ARID4B: variants seen among roughly 807,000 people sequenced by gnomAD.
ARID4B encodes the protein AT-rich interaction domain 4B.
In ARID4B, 26 loss-of-function variants were observed where a neutral mutation model predicts 147.5. That is an observed-to-expected ratio of 0.18 (90% confidence interval 0.13 to 0.24). ARID4B has a LOEUF of 0.24. ARID4B is among the 10% of genes least tolerant of loss of function. The probability of loss-of-function intolerance (pLI) is 1.00; values close to 1 mark genes in which losing one functional copy is unlikely to be tolerated. For missense variants in ARID4B, 1,179 were observed against 1,511.5 expected, an observed-to-expected ratio of 0.78 and a Z score of 3.65; for synonymous variants, 512 against 507.9, an observed-to-expected ratio of 1.01 and a Z score of -0.11.
chr1:235,280,358 T>C (rs774239066), intron 2 of ARID4B, among the ~76,000 whole-genome samples: 2 of 152,384 alleles, frequency 1.3e-5, no homozygotes, highest in East Asian at 3.8e-4. Context: ...GAAATTGGTA[T>C]GTTGTTAACA....
intron 8 of ARID4B, among the ~76,000 whole-genome samples, chr1:235,236,862 ATTTTTTTTTT>A (rs869157061): frequency 2.3e-4 from 4 of 17,486 alleles, no homozygotes; most frequent in African/African-American, 8.9e-4. Context: ...ATATATATAT[ATTTTTTTTTT>A]TTTTTTTTTT....
intron 2 of ARID4B, among the ~76,000 whole-genome samples, chr1:235,271,811 A>G (rs558060690): frequency 4.4e-4 from 67 of 151,818 alleles, no homozygotes; most frequent in African/African-American, 1.5e-3. Flanking sequence ...TTAGCTGGCC[A>G]TGGTGGCAGG....
At chr1:235,282,953 TG>T (rs1671755630) in intron 2 of ARID4B, among the ~76,000 whole-genome samples, 1 of 152,216 alleles carries the variant, frequency 6.6e-6, no homozygotes, top group South Asian at 2.1e-4. Flanking sequence ...GCTAATTTTT[TG>T]TATTTTTAGT....
chr1:235,327,471 C>G (rs1347454596), intron 1 of ARID4B: 1 of 152,240 alleles, frequency 6.6e-6, no homozygotes, highest in South Asian at 2.1e-4. Flanking sequence ...GGAGCGAGAT[C>G]AACATCTGGC....
chr1:235,263,698 CAGA>C (rs1373531493), intron 2 of ARID4B, among the ~76,000 whole-genome samples: 1 of 151,988 alleles, frequency 6.6e-6, no homozygotes, highest in Non-Finnish European at 1.5e-5. Flanking sequence ...GAAAGACTTG[CAGA>C]AGGAGGGCTG....
At chr1:235,169,230 G>T (rs547651786) in intron 23 of ARID4B, among the ~76,000 whole-genome samples, 2 of 147,858 alleles carry the variant, frequency 1.4e-5, no homozygotes, top group Admixed American at 6.8e-5. Flanking sequence ...TCCTTTTTTC[G>T]TTTTTTTTTG....
intron 2 of ARID4B, among the ~76,000 whole-genome samples, chr1:235,312,224 T>A (rs1363204774): frequency 6.6e-6 from 1 of 152,114 alleles, no homozygotes; most frequent in Non-Finnish European, 1.5e-5. Context: ...AGGCAGAGGT[T>A]GCAGTTAGCC....
At chr1:235,254,968 G>A (rs927178900) in intron 5 of ARID4B, among the ~76,000 whole-genome samples, 18 of 151,946 alleles carry the variant, frequency 1.2e-4, no homozygotes, top group Admixed American at 1.2e-3. Context: ...GTGTCTTTTA[G>A]GAAGGCAGTT....
At chr1:235,231,236 T>C (rs886552590) in intron 9 of ARID4B, 47 bp from the exon 10 acceptor site, 3 of 974,024 alleles carry the variant, frequency 3.1e-6, no homozygotes, top group Middle Eastern at 3.2e-4. Context: ...ACCCAAAATA[T>C]GACTGAGATT....
intron 16 of ARID4B, 67 bp from the exon 17 acceptor site, chr1:235,214,093 C>T: frequency 3.3e-6 from 5 of 1,508,530 alleles, no homozygotes; most frequent in Non-Finnish European, 2.6e-6. Context: ...TTCCAAACCA[C>T]ATATATTGAT....
In ARID4B at chr1:235,326,965, G is replaced by A; in HGVS notation, c.-46C>T. On this transcript the variant is annotated 5_prime_UTR_variant, in exon 2 of 24. Coordinates refer to ENST00000264183, the MANE Select transcript of ARID4B (RefSeq NM_016374.6). ...ATCCTCTAAAACACCAGGTTCAGCT[G>A]CACCTGGAGGGGAAACAAAAGACAC... 7 of 1,608,234 alleles carry A rather than the reference G, an allele frequency of 4.4e-6. No individual in the cohort carries two copies. The highest frequency in any genetic ancestry group is 5.1e-6 in the Non-Finnish European group (6 of 1,174,840).
Position 235,182,054 on chromosome 1 carries a change from T to C in ARID4B, c.2865A>G (p.Pro955=). 3.1e-6 allele frequency: 5 copies of C among 1,614,140 alleles called. No individual in the cohort carries two copies. Among genetic ancestry groups the C allele is most frequent in the Non-Finnish European group, 4.2e-6 (5 of 1,180,014 alleles). The change falls in exon 20 of 24, where the codon CCA becomes CCG. Residue 955 remains proline, a synonymous_variant. Coordinates refer to ENST00000264183, the MANE Select transcript of ARID4B (RefSeq NM_016374.6). ...SDSDTEAAAS[P]PHPAPEEGVA... ...CCCCCTCCTCTGGGGCAGGATGCGG[T>C]GGGGAAGCTGCAGCCTCAGTATCAG...
chr1:235,327,024 C>T, intron 1 of ARID4B, 56 bp from the exon 2 acceptor site: 1 of 1,217,260 alleles, frequency 8.2e-7, no homozygotes, highest in Non-Finnish European at 1.2e-6. Context: ...TCTGCACTGG[C>T]GGAGGCGGAG....
intron 2 of ARID4B, among the ~76,000 whole-genome samples, chr1:235,298,500 CCA>C (rs1491542139): frequency 2.7e-5 from 4 of 147,402 alleles, no homozygotes; most frequent in Non-Finnish European, 4.5e-5. Context: ...TTATATATAT[CCA>C]TATATATGAA....
intron 19 of ARID4B, among the ~76,000 whole-genome samples, chr1:235,191,642 C>T (rs779968444): frequency 1.3e-5 from 2 of 152,164 alleles, no homozygotes; most frequent in Non-Finnish European, 2.9e-5. Context: ...TCTAGAGGGG[C>T]TTTTGTAAAC....
intron 2 of ARID4B, among the ~76,000 whole-genome samples, chr1:235,274,323 T>C (rs1440961795): frequency 6.6e-6 from 1 of 151,964 alleles, no homozygotes; most frequent in Non-Finnish European, 1.5e-5. Flanking sequence ...TGCAGTGAGC[T>C]GAGATTACAC....
Position 235,182,805 on chromosome 1 carries a change from C to T in ARID4B, c.2126-12G>A, listed in dbSNP as rs769111686. ...AGAACTTTCAGAAGCTAGAAAATAA[C>T]AGAAAAAAAAATGATGAGTATGATA... is the stretch of plus-strand genomic sequence containing the variant. On this transcript the variant is annotated splice_polypyrimidine_tract_variant and intron_variant, in intron 19 of 23. Transcript: ENST00000264183. The T allele has an allele frequency of 6.4e-7, 1 of 1,555,872 alleles. No individual in the cohort carries two copies. Among genetic ancestry groups the T allele is most frequent in the Non-Finnish European group, 8.6e-7 (1 of 1,157,906 alleles).
chr1:235,270,471 CTTTAGG>C (rs140766655), intron 2 of ARID4B, among the ~76,000 whole-genome samples: 72,678 of 151,968 alleles, frequency 0.48, 17,719 homozygotes, highest in South Asian at 0.6. Flanking sequence ...ACCTAAGCTA[CTTTAGG>C]TTATAAGTAA....
chr1:235,326,850 G>A, intron 2 of ARID4B, 64 bp downstream of exon 2: 1 of 1,601,808 alleles, frequency 6.2e-7, no homozygotes, highest in Non-Finnish European at 8.6e-7. Flanking sequence ...CGACGACCTC[G>A]TCGAAACCTC....
Sources: gnomAD v4.1 joint callset for allele counts (sites outside exome capture counted in the v4.1 genomes callset) on GRCh38, gnomAD v4.1.1 for gene constraint, MANE v1.5 for transcripts, NCBI Gene and HGNC (gene_info 2026-07-23, HGNC 2026-07-21) for gene names.